Variants in ZBTB8OS observed in about 807,000 individuals in gnomAD.
The protein encoded by ZBTB8OS is tRNA-splicing ligase-activating factor archease.
In ZBTB8OS, 16 loss-of-function variants were observed where a neutral mutation model predicts 29.3. The ratio of observed to expected loss-of-function variants is 0.55; its 90% confidence interval spans 0.37 to 0.83. The LOEUF is 0.83. Ranked by LOEUF, ZBTB8OS falls within the 40% of genes least tolerant of loss-of-function variation. ZBTB8OS has a pLI of 0.00. For synonymous variants in ZBTB8OS, 70 were observed against 64.6 expected (o/e 1.08, Z -0.40); for missense variants, 160 against 196.9 (o/e 0.81, Z 1.12).
At chr1:32,637,703 AG>A (rs1646087085) in intron 1 of ZBTB8OS, among the ~76,000 whole-genome samples, 1 of 152,214 alleles carries the variant, frequency 6.6e-6, no homozygotes, top group Non-Finnish European at 1.5e-5. Flanking sequence ...AAAGAGCAAA[AG>A]GGAACTTTCT....
chr1:32,650,076 T>C (rs1181451669), intron 1 of ZBTB8OS, among the ~76,000 whole-genome samples: 1 of 152,168 alleles, frequency 6.6e-6, no homozygotes, highest in Non-Finnish European at 1.5e-5. Context: ...TTCCGAGTCC[T>C]CTAACCTCGC....
At chr1:32,623,919 G>A (rs1033999857) in intron 6 of ZBTB8OS, among the ~76,000 whole-genome samples, 1 of 152,152 alleles carries the variant, frequency 6.6e-6, no homozygotes, top group African/African-American at 2.4e-5. Context: ...TGGGAGGGAG[G>A]GAGCAGGTGG....
intron 1 of ZBTB8OS, among the ~76,000 whole-genome samples, chr1:32,636,225 A>G (rs1216651134): frequency 2.6e-5 from 4 of 152,142 alleles, no homozygotes; most frequent in Non-Finnish European, 4.4e-5. Flanking sequence ...TTGTCTTTAA[A>G]AACTCTGATC....
upstream of ZBTB8OS, chr1:32,650,782 C>T: frequency 3.3e-6 from 2 of 600,590 alleles, no homozygotes; most frequent in South Asian, 4.6e-5. Context: ...CGTTGAAGGG[C>T]ACCTTGAATG....
chr1:32,650,461 C>G lies in ZBTB8OS; in HGVS notation c.69G>C (p.Lys23Asn), dbSNP rs1647328103. 1 of 1,614,080 alleles carries G rather than the reference C, an allele frequency of 6.2e-7. No homozygotes were observed. Among genetic ancestry groups the G allele is most frequent in the African/African-American group, 1.3e-5 (1 of 74,944 alleles). Reference protein sequence around the residue: ...LTEEQKAIKAKYPPVNRKYEY... With the variant: ...LTEEQKAIKANYPPVNRKYEY... ...CGTACTTCCTATTGACTGGCGGATA[C>G]TTGGCCTTGATCGCCTTCTGTTCTT... Residue 23 changes from lysine (K) to asparagine (N), a missense_variant, in exon 1 of 7, where the codon AAG becomes AAC. Lys to Asn is a moderately conservative substitution (Grantham distance 94). Transcript: ENST00000468695.
intron 1 of ZBTB8OS, among the ~76,000 whole-genome samples, chr1:32,637,360 G>A (rs138765588): frequency 2.0e-5 from 3 of 151,630 alleles, no homozygotes; most frequent in East Asian, 1.9e-4. Context: ...TCAGGGGCTC[G>A]AGACCAGCCT....
At chr1:32,636,254 C>G (rs1645944628) in intron 1 of ZBTB8OS, among the ~76,000 whole-genome samples, 1 of 152,324 alleles carries the variant, frequency 6.6e-6, no homozygotes, top group Non-Finnish European at 1.5e-5. Context: ...CTCAGGGAGA[C>G]TGATTTGAGT....
rs144974393 is a variant in ZBTB8OS at position 32,634,007 on chromosome 1, T to C, written c.188A>G (p.Tyr63Cys). 1.3e-5 allele frequency: 21 copies of C among 1,601,366 alleles called. No individual in the cohort carries two copies. Among genetic ancestry groups the C allele is most frequent in the East Asian group, 1.1e-4 (5 of 44,786 alleles). ...FEQCAMAMFG[Y>C]MTDTGTVEPL... The stretch of plus-strand genomic sequence containing the variant: ...CTCCACTGTCCCAGTATCTGTCATG[T>C]AACCAAACATGGCCATTGCACATTG... The change falls in exon 3 of 7, where the codon TAC becomes TGC. Residue 63 changes from tyrosine (Y) to cysteine (C), a missense_variant. By Grantham distance (194) the Tyr-to-Cys change is radical. Coordinates refer to ENST00000468695, the MANE Select transcript of ZBTB8OS (RefSeq NM_178547.5).
chr1:32,630,219 TA>T (rs1230690238), intron 5 of ZBTB8OS, among the ~76,000 whole-genome samples: 1 of 152,036 alleles, frequency 6.6e-6, no homozygotes, highest in South Asian at 2.1e-4. Flanking sequence ...CCCATCTCTA[TA>T]AAAAATTAAA....
intron 1 of ZBTB8OS, among the ~76,000 whole-genome samples, chr1:32,644,083 T>C (rs1646647366): frequency 6.6e-6 from 1 of 151,976 alleles, no homozygotes. Context: ...GTTAAAACAA[T>C]TTTACGGAAG....
rs537610823 is a variant in ZBTB8OS at position 32,635,097 on chromosome 1, G to A, written c.98-305C>T. 2.6e-5 allele frequency among the ~76,000 whole-genome samples: 4 copies of A among 151,646 alleles called. No individual in the cohort carries two copies. The East Asian group carries it at 7.7e-4, about 29-fold the overall frequency. ...TAAATAAATAAAATTCCAGGTTTCT[G>A]TCTCACCTTTTCTTTTACAGTGAAC... On this transcript the variant is annotated intron_variant, in intron 1 of 6. Transcript: ENST00000468695.
At chr1:32,644,708 T>C in intron 1 of ZBTB8OS, among the ~76,000 whole-genome samples, 1 of 142,778 alleles carries the variant, frequency 7.0e-6, no homozygotes, top group African/African-American at 2.6e-5. Context: ...ACCCAGCTTT[T>C]TTTTTTTTTT....
At position 32,650,430 on chromosome 1, in the gene ZBTB8OS, C is replaced by T. The variant is rs772581709; in HGVS notation, c.97+3G>A. The T allele has an allele frequency of 6.2e-7, 1 of 1,614,036 alleles. No individual in the cohort carries two copies. The highest frequency in any genetic ancestry group is 2.2e-5 in the East Asian group (1 of 44,900). ...TAAAGAGAGAAGTAAGCCACCTACTCACACTCGTACTTCCTATTGACTGGC... is the reference window on the plus strand; with the variant it reads ...TAAAGAGAGAAGTAAGCCACCTACTTACACTCGTACTTCCTATTGACTGGC... On this transcript the variant is annotated splice_donor_region_variant and intron_variant, in intron 1 of 6. Coordinates refer to ENST00000468695, the MANE Select transcript of ZBTB8OS (RefSeq NM_178547.5).
intron 1 of ZBTB8OS, among the ~76,000 whole-genome samples, chr1:32,646,321 G>C (rs1570736811): frequency 6.6e-6 from 1 of 150,980 alleles, no homozygotes; most frequent in Admixed American, 6.6e-5. Flanking sequence ...GACTGTCTCA[G>C]GGAAAAAAAA....
intron 1 of ZBTB8OS, among the ~76,000 whole-genome samples, chr1:32,648,246 C>T (rs1348081263): frequency 2.6e-5 from 4 of 152,164 alleles, no homozygotes; most frequent in Admixed American, 2.0e-4. Context: ...CACATTCACA[C>T]AATACTAGTG....
intron 5 of ZBTB8OS, among the ~76,000 whole-genome samples, chr1:32,630,408 C>T (rs193000808): frequency 3.1e-4 from 47 of 151,890 alleles, no homozygotes; most frequent in Admixed American, 3.3e-4. Flanking sequence ...AACAAATTAG[C>T]TGGGCATGGT....
chr1:32,640,868 G>T (rs1334570953), intron 1 of ZBTB8OS, among the ~76,000 whole-genome samples: 1 of 152,030 alleles, frequency 6.6e-6, no homozygotes, highest in African/African-American at 2.4e-5. Context: ...TGATGTGACA[G>T]ATCACTGTTC....
Position 32,634,088 on chromosome 1 carries a change from C to A in ZBTB8OS, c.123-16G>T. 1 of 1,532,464 alleles carries A rather than the reference C, an allele frequency of 6.5e-7. No individual in the cohort carries two copies. Among genetic ancestry groups the A allele is most frequent in the Non-Finnish European group, 8.7e-7 (1 of 1,148,760 alleles). The allele number at this position is 1,532,464 out of a possible 1,614,324, so 94.9% of individuals were successfully genotyped here. ...TGCGTGTAACCTAAAGAAGTATATT[C>A]ATGCTCTGTGTAATACAATCCACTG... On this transcript the variant is annotated splice_polypyrimidine_tract_variant and intron_variant, in intron 2 of 6. Coordinates refer to ENST00000468695, the MANE Select transcript of ZBTB8OS (RefSeq NM_178547.5).
intron 1 of ZBTB8OS, among the ~76,000 whole-genome samples, chr1:32,648,718 G>C (rs1178341879): frequency 6.6e-6 from 1 of 152,126 alleles, no homozygotes; most frequent in Non-Finnish European, 1.5e-5. Context: ...GAGTGCAGTG[G>C]TGCAATCTCG....
Sources: gnomAD v4.1 joint callset for allele counts (sites outside exome capture counted in the v4.1 genomes callset) on GRCh38, gnomAD v4.1.1 for gene constraint, MANE v1.5 for transcripts, NCBI Gene and HGNC (gene_info 2026-07-23, HGNC 2026-07-21) for gene names.